The following DPP10 variants were observed in gnomAD, a reference collection of about 807,000 sequenced individuals.
DPP10 encodes inactive dipeptidyl peptidase 10.
Under a neutral mutation model 120.9 loss-of-function variants are expected in DPP10, and 33 were observed. That is an observed-to-expected ratio of 0.27 (90% CI 0.21 to 0.37). The LOEUF (loss-of-function observed/expected upper bound fraction) is 0.37, where lower values mean the gene tolerates loss of function less well. Among genes scored for constraint, DPP10 ranks in the 10% least tolerant of loss-of-function variants. The probability of loss-of-function intolerance (pLI) is 1.00; values close to 1 mark genes in which losing one functional copy is unlikely to be tolerated. For missense variants in DPP10, 816 were observed against 942.8 expected, an observed-to-expected ratio of 0.87 and a Z score of 1.76; for synonymous variants, 337 against 326.1, an observed-to-expected ratio of 1.03 and a Z score of -0.36.
intron 5 of DPP10, among the ~76,000 whole-genome samples, chr2:115,565,473 C>T (rs2080942742): frequency 6.6e-6 from 1 of 151,886 alleles, no homozygotes. Flanking sequence ...AATTAATGTA[C>T]GTAAAATGTT....
At chr2:115,803,862 C>G (rs1215700255) in intron 19 of DPP10, among the ~76,000 whole-genome samples, 2 of 152,154 alleles carry the variant, frequency 1.3e-5, no homozygotes, top group Non-Finnish European at 2.9e-5. Context: ...CTGCCCTTAA[C>G]ATTTTTTCCT....
At chr2:115,731,682 G>T (rs2092914037) in intron 8 of DPP10, among the ~76,000 whole-genome samples, 1 of 152,068 alleles carries the variant, frequency 6.6e-6, no homozygotes, top group South Asian at 2.1e-4. Context: ...TTGTTATAGG[G>T]GGATGTCCTT....
intron 3 of DPP10, among the ~76,000 whole-genome samples, chr2:115,466,569 G>A (rs2074338398): frequency 6.6e-6 from 1 of 152,014 alleles, no homozygotes; most frequent in African/African-American, 2.4e-5. Flanking sequence ...ATATAATGCT[G>A]ATCATATGTA....
intron 19 of DPP10, among the ~76,000 whole-genome samples, chr2:115,799,204 A>T (rs1684885755): frequency 6.6e-6 from 1 of 152,100 alleles, no homozygotes; most frequent in Non-Finnish European, 1.5e-5. Context: ...ACAGTGCATT[A>T]TACTGACATA....
chr2:114,953,277 A>G (rs983731982), intron 1 of DPP10, among the ~76,000 whole-genome samples: 6 of 152,168 alleles, frequency 3.9e-5, no homozygotes, highest in African/African-American at 1.2e-4. Context: ...CCCATAAGGC[A>G]CTTAGTTAAA....
At chr2:115,220,306 G>T (rs185933086) in intron 1 of DPP10, among the ~76,000 whole-genome samples, 150 of 152,248 alleles carry the variant, frequency 9.9e-4, no homozygotes, top group African/African-American at 3.4e-3. Flanking sequence ...CTGTCTTTAT[G>T]AGTCAGTGTG....
At chr2:115,223,527 G>A (rs189878793) in intron 1 of DPP10, among the ~76,000 whole-genome samples, 4 of 152,278 alleles carry the variant, frequency 2.6e-5, no homozygotes, top group Admixed American at 2.6e-4. Context: ...TTGGCGAGCT[G>A]TAAGGAGTTA....
chr2:115,480,794 A>T (rs187098248), intron 3 of DPP10, among the ~76,000 whole-genome samples: 5 of 152,168 alleles, frequency 3.3e-5, no homozygotes, highest in Non-Finnish European at 5.9e-5. Context: ...TTTCTAAAAA[A>T]TTGTATGCGA....
chr2:115,453,350 G>GA (rs79808735), intron 3 of DPP10, among the ~76,000 whole-genome samples: 2 of 150,814 alleles, frequency 1.3e-5, no homozygotes, highest in Non-Finnish European at 3.0e-5. Context: ...CTATAAATTA[G>GA]AAAATTTTTT....
At chr2:115,403,962 TAAAAG>T (rs1193032445) in intron 3 of DPP10, among the ~76,000 whole-genome samples, 1 of 152,168 alleles carries the variant, frequency 6.6e-6, no homozygotes, top group African/African-American at 2.4e-5. Context: ...TGGTCTATCT[TAAAAG>T]GAAATTTTTT....
At chr2:115,623,070 C>T (rs563231820) in intron 5 of DPP10, among the ~76,000 whole-genome samples, 1 of 152,210 alleles carries the variant, frequency 6.6e-6, no homozygotes, top group East Asian at 1.9e-4. Flanking sequence ...TGGTCTCGAT[C>T]TCCTGACCTC....
chr2:114,526,735 T>C (rs78265887), intron 1 of DPP10, among the ~76,000 whole-genome samples: 599 of 152,206 alleles, frequency 3.9e-3, no homozygotes, highest in Middle Eastern at 6.8e-3. Context: ...TGGGTCTCTT[T>C]TATAAGAGCA....
At chr2:115,230,846 T>A (rs1184357419) in intron 1 of DPP10, among the ~76,000 whole-genome samples, 1 of 151,986 alleles carries the variant, frequency 6.6e-6, no homozygotes, top group Non-Finnish European at 1.5e-5. Flanking sequence ...AATTACAAAT[T>A]TTTTCAGTCT....
At chr2:114,900,787 T>TC (rs1376276164) in intron 1 of DPP10, among the ~76,000 whole-genome samples, 1 of 152,172 alleles carries the variant, frequency 6.6e-6, no homozygotes. Flanking sequence ...GGTTAAAAGT[T>TC]CCCCAAAATA....
At chr2:115,788,798 C>A (rs1244454552) in intron 17 of DPP10, among the ~76,000 whole-genome samples, 2 of 152,088 alleles carry the variant, frequency 1.3e-5, no homozygotes, top group African/African-American at 4.8e-5. Context: ...TAAGTTAATA[C>A]CAAGTTTACA....
intron 2 of DPP10, among the ~76,000 whole-genome samples, chr2:115,337,437 G>C (rs1186147215): frequency 6.6e-6 from 1 of 151,958 alleles, no homozygotes; most frequent in East Asian, 1.9e-4. Flanking sequence ...TTGGGAGATA[G>C]TATAGCTTAA....
chr2:114,547,407 A>C (rs1397671205), intron 1 of DPP10, among the ~76,000 whole-genome samples: 1 of 152,116 alleles, frequency 6.6e-6, no homozygotes, highest in Non-Finnish European at 1.5e-5. Flanking sequence ...AGCAAACAAA[A>C]GCACACCATG....
At chr2:114,451,303 T>C (rs551655857) in intron 1 of DPP10, among the ~76,000 whole-genome samples, 5 of 152,262 alleles carry the variant, frequency 3.3e-5, no homozygotes, top group African/African-American at 1.2e-4. Flanking sequence ...GGACTCGTTC[T>C]CTCATTGTTA....
At chr2:115,362,977 A>G (rs947458542) in intron 3 of DPP10, among the ~76,000 whole-genome samples, 1 of 152,238 alleles carries the variant, frequency 6.6e-6, no homozygotes, top group Non-Finnish European at 1.5e-5. Context: ...TTGTGCAGTC[A>G]TAACCCATGC....
Sources: gnomAD v4.1 joint callset for allele counts (sites outside exome capture counted in the v4.1 genomes callset) on GRCh38, gnomAD v4.1.1 for gene constraint, MANE v1.5 for transcripts, NCBI Gene and HGNC (gene_info 2026-07-23, HGNC 2026-07-21) for gene names.